Variants in TRAK1 observed in about 807,000 individuals in gnomAD.
TRAK1 encodes trafficking kinesin-binding protein 1.
A neutral mutation model predicts 92.1 loss-of-function variants in TRAK1; 33 were observed. That is an observed-to-expected ratio of 0.36 (90% CI 0.27 to 0.48). The LOEUF (loss-of-function observed/expected upper bound fraction) is 0.48, where lower values mean the gene tolerates loss of function less well. Ranked by LOEUF, TRAK1 falls within the 20% of genes least tolerant of loss-of-function variation. TRAK1 has a pLI of 0.99. For synonymous variants in TRAK1, 521 were observed against 517.3 expected (o/e 1.01, Z -0.10); for missense variants, 1,123 against 1,257.9 (o/e 0.89, Z 1.62).
intron 1 of TRAK1, among the ~76,000 whole-genome samples, chr3:42,019,380 A>G (rs571312065): frequency 1.3e-5 from 2 of 152,296 alleles, no homozygotes; most frequent in South Asian, 2.1e-4. Context: ...GACTCAAGCC[A>G]TCTTCCCGCT....
chr3:42,063,837 T>TC (rs1175663103), intron 1 of TRAK1, among the ~76,000 whole-genome samples: 13 of 152,172 alleles, frequency 8.5e-5, no homozygotes, highest in Non-Finnish European at 1.3e-4. Context: ...CTGTAACCTT[T>TC]CCCCTTGAAT....
chr3:42,080,040 C>T (rs990917067), intron 1 of TRAK1, among the ~76,000 whole-genome samples: 1 of 152,124 alleles, frequency 6.6e-6, no homozygotes, highest in Non-Finnish European at 1.5e-5. Flanking sequence ...TTGCTCGATC[C>T]CTTCCTTGTC....
At chr3:42,132,498 C>G (rs537007918) in intron 2 of TRAK1, among the ~76,000 whole-genome samples, 25 of 152,250 alleles carry the variant, frequency 1.6e-4, no homozygotes, top group African/African-American at 6.0e-4. Context: ...CTCCTTGGCT[C>G]AAGCATTCCT....
intron 1 of TRAK1, among the ~76,000 whole-genome samples, chr3:42,118,026 GC>G (rs1217604790): frequency 6.6e-6 from 1 of 151,922 alleles, no homozygotes; most frequent in Non-Finnish European, 1.5e-5. Flanking sequence ...CACCATGTTG[GC>G]CAAGATGGTC....
rs990684374 is a variant in TRAK1 at position 42,104,574 on chromosome 3, G to A, written c.91+13014G>A. ...TCTGCAGCCTCCGCTGGTGATACCC[G>A]GGCAAACAGGGTCTGGAGTGGACCT... On this transcript the variant is annotated intron_variant, in intron 1 of 15. Transcript: ENST00000327628. Among the ~76,000 whole-genome samples, 8 of 152,272 alleles carry A rather than the reference G, an allele frequency of 5.3e-5. No individual in the cohort carries two copies. The South Asian group carries it at 1.0e-3, about 20-fold the overall frequency.
upstream of TRAK1, among the ~76,000 whole-genome samples, chr3:42,089,674 G>GTCCC (rs765250539): frequency 1.2e-5 from 1 of 85,946 alleles, no homozygotes; most frequent in Admixed American, 1.3e-4. Flanking sequence ...TGCTTTTTGT[G>GTCCC]ACCCCCCCCC....
intron 1 of TRAK1, among the ~76,000 whole-genome samples, chr3:42,031,078 C>A (rs1361276822): frequency 2.0e-5 from 3 of 147,264 alleles, no homozygotes; most frequent in Non-Finnish European, 4.5e-5. Flanking sequence ...CTCTGTCACC[C>A]GGGCTGGAGT....
chr3:42,023,513 G>A (rs809930), intron 1 of TRAK1, among the ~76,000 whole-genome samples: 112,714 of 151,814 alleles, frequency 0.74, 43,385 homozygotes, highest in Non-Finnish European at 0.84. Flanking sequence ...CCAGCTGGAA[G>A]CTCTGGCTGT....
intron 4 of TRAK1, chr3:42,185,044 C>G: frequency 2.1e-6 from 1 of 487,200 alleles, no homozygotes; most frequent in Non-Finnish European, 3.7e-6. Context: ...GATGGGATGG[C>G]TAAGGGCGGG....
chr3:42,056,396 A>G (rs1037402174), intron 1 of TRAK1, among the ~76,000 whole-genome samples: 2 of 152,162 alleles, frequency 1.3e-5, no homozygotes, highest in African/African-American at 2.4e-5. Context: ...ATGAAGTGGT[A>G]TCTCATTATG....
At chr3:42,109,801 A>T (rs1708085159) in intron 1 of TRAK1, among the ~76,000 whole-genome samples, 1 of 152,064 alleles carries the variant, frequency 6.6e-6, no homozygotes, top group Non-Finnish European at 1.5e-5. Context: ...TGTCCTTTGT[A>T]GGGACATGGA....
rs539951962 is a variant in TRAK1, at chr3:42,165,682, G to A, written c.287-11132G>A. On this transcript the variant is annotated intron_variant, in intron 2 of 15. Transcript: ENST00000327628. ...GTCATCGGCAGCACTCGAGGGTGCC[G>A]TGCACAACTTTCCCGATGGGTCAGT... Among the ~76,000 whole-genome samples, 11 of 152,270 alleles carry A rather than the reference G, an allele frequency of 7.2e-5. No homozygotes were observed. In the South Asian group the frequency reaches 1.2e-3, roughly 17 times the overall value.
At chr3:42,168,341 G>T (rs1219175411) in intron 2 of TRAK1, among the ~76,000 whole-genome samples, 1 of 152,196 alleles carries the variant, frequency 6.6e-6, no homozygotes, top group Admixed American at 6.5e-5. Flanking sequence ...ACATTGTCAT[G>T]TAACAGGGAA....
chr3:42,042,256 T>G (rs1192556878), intron 1 of TRAK1, among the ~76,000 whole-genome samples: 1 of 152,128 alleles, frequency 6.6e-6, no homozygotes, highest in Non-Finnish European at 1.5e-5. Flanking sequence ...GTTTTTATCA[T>G]GAAAGGGTGT....
At chr3:42,219,707 C>A in intron 15 of TRAK1, 111 bp downstream of exon 15, 2 of 1,182,648 alleles carry the variant, frequency 1.7e-6, no homozygotes, top group African/African-American at 1.5e-5. Context: ...ATAGAAAAAC[C>A]AACTGAAGCC....
intron 2 of TRAK1, among the ~76,000 whole-genome samples, chr3:42,137,492 G>A (rs924037254): frequency 6.6e-5 from 10 of 152,328 alleles, no homozygotes; most frequent in African/African-American, 2.2e-4. Context: ...TAACAAACAG[G>A]TAATGGTCAG....
At position 42,149,724 on chromosome 3, in the gene TRAK1, A is replaced by C. The variant is rs1576631948; in HGVS notation, c.286+24110A>C. 5 of 1,245,158 alleles carry C rather than the reference A, an allele frequency of 4.0e-6. No homozygotes were observed. The South Asian group carries it at 7.3e-5, about 18-fold the overall frequency. 77.1% of individuals were successfully genotyped at this position (1,245,158 alleles called of 1,614,324 possible). A position where few individuals can be genotyped will look rare whatever the true frequency, so the allele number is the denominator to read the frequency against. ...GCGGGTGGGAGGTACCAGAACTAGC[A>C]CCACTGGCTCTGGCAATTCCAAAGG... is the stretch of plus-strand genomic sequence containing the variant. On this transcript the variant is annotated intron_variant, in intron 2 of 15. Coordinates refer to ENST00000327628, the MANE Select transcript of TRAK1 (RefSeq NM_001042646.3).
chr3:42,048,332 G>C (rs1702838684), intron 1 of TRAK1, among the ~76,000 whole-genome samples: 1 of 152,060 alleles, frequency 6.6e-6, no homozygotes. Flanking sequence ...AGCCACCACA[G>C]TGCCCAAGAG....
At chr3:42,174,446 A>G (rs1016394586) in intron 2 of TRAK1, among the ~76,000 whole-genome samples, 1 of 152,028 alleles carries the variant, frequency 6.6e-6, no homozygotes, top group Non-Finnish European at 1.5e-5. Flanking sequence ...ATCTTGCAGA[A>G]TGTTACCATT....
Sources: allele counts gnomAD v4.1 joint callset (sites outside exome capture counted in the v4.1 genomes callset), GRCh38; gene constraint gnomAD v4.1.1; transcripts MANE v1.5; gene names NCBI Gene and HGNC (gene_info 2026-07-23, HGNC 2026-07-21).